GRIA2: variants seen among roughly 807,000 people sequenced by gnomAD.
GRIA2 encodes glutamate receptor 2.
Under a neutral mutation model 97.3 loss-of-function variants are expected in GRIA2, and 14 were observed. The ratio of observed to expected loss-of-function variants is 0.14; its 90% CI spans 0.10 to 0.23. GRIA2 has a LOEUF of 0.23. Among genes scored for constraint, GRIA2 ranks in the 10% least tolerant of loss-of-function variants. The pLI, the probability that GRIA2 is intolerant of heterozygous loss-of-function variation, is 1.00. For missense variants in GRIA2, 558 were observed against 1,069.8 expected (o/e 0.52, Z 6.67); for synonymous variants, 412 against 387.8 (o/e 1.06, Z -0.73).
At chr4:157,288,983 C>T (rs1310183830) in intron 2 of GRIA2, among the ~76,000 whole-genome samples, 1 of 151,750 alleles carries the variant, frequency 6.6e-6, no homozygotes, top group South Asian at 2.1e-4. Context: ...ATCATTTGTT[C>T]CCTTTTAACA....
chr4:157,238,017 AG>A (rs1730330175), intron 2 of GRIA2, among the ~76,000 whole-genome samples: 1 of 152,154 alleles, frequency 6.6e-6, no homozygotes, highest in African/African-American at 2.4e-5. Context: ...TTAAAACTAA[AG>A]ACCGCAATCT....
At chr4:157,358,741 T>C (rs1736504371) in intron 12 of GRIA2, among the ~76,000 whole-genome samples, 2 of 152,160 alleles carry the variant, frequency 1.3e-5, no homozygotes. Context: ...CTCTATACTC[T>C]ATTTGCACTT....
chr4:157,361,689 C>A lies in GRIA2; in HGVS notation c.2406+565C>A. On this transcript the variant is annotated intron_variant, in intron 14 of 15. Transcript: ENST00000264426. This position sits in a 1 kb window ranked among gnomAD's most constrained non-coding sequence, Gnocchi z 5.2. The stretch of plus-strand genomic sequence containing the variant: ...CAGGTTTTATGTGAAAAAACAAAAT[C>A]AAACACAAACAGCAAAATCAAACCA... 1 of 1,399,052 alleles carries A rather than the reference C, an allele frequency of 7.1e-7. No homozygotes were observed. Among genetic ancestry groups the A allele is most frequent in the Non-Finnish European group, 1.0e-6 (1 of 986,192 alleles). 86.7% of individuals were successfully genotyped at this position (1,399,052 alleles called of 1,614,324 possible).
intron 3 of GRIA2, among the ~76,000 whole-genome samples, chr4:157,304,794 G>T (rs1291158804): frequency 6.6e-6 from 1 of 152,078 alleles, no homozygotes; most frequent in Non-Finnish European, 1.5e-5. Flanking sequence ...CAGACAAGAA[G>T]AGAGCCAGCC....
At chr4:157,294,844 A>T (rs1233061389) in intron 2 of GRIA2, among the ~76,000 whole-genome samples, 1 of 152,072 alleles carries the variant, frequency 6.6e-6, no homozygotes, top group Non-Finnish European at 1.5e-5. Flanking sequence ...ACAATATTCA[A>T]ATTTCATCAG....
At position 157,235,063 on chromosome 4, in the gene GRIA2, A is replaced by AT. The variant is rs1730183874; in HGVS notation, c.229+13256_229+13257insT. Among the ~76,000 whole-genome samples, 3 of 152,176 alleles carry AT rather than the reference A, an allele frequency of 2.0e-5. No homozygotes were observed. The South Asian group carries it at 6.2e-4, about 31-fold the overall frequency. ...GAACTCTTCAATGTAGGATCATAAGACCTTTGGTCAAAATTACTCTTTTAA... is the reference window on the plus strand; with the variant it reads ...GAACTCTTCAATGTAGGATCATAAGATCCTTTGGTCAAAATTACTCTTTTAA... On this transcript the variant is annotated intron_variant, in intron 2 of 15. Transcript: ENST00000264426.
chr4:157,335,446 T>C, intron 9 of GRIA2: 1 of 536,798 alleles, frequency 1.9e-6, no homozygotes, highest in Non-Finnish European at 3.4e-6. Context: ...TAACTCAGTA[T>C]GCTTGCATAC....
chr4:157,225,058 C>A (rs774028383), intron 2 of GRIA2, among the ~76,000 whole-genome samples: 1 of 151,914 alleles, frequency 6.6e-6, no homozygotes, highest in African/African-American at 2.4e-5. Context: ...TAATTTTATT[C>A]CTGAGATGGA....
At chr4:157,355,765 ATATATATTTATATATTTATATATATTAGT>A in intron 12 of GRIA2, among the ~76,000 whole-genome samples, 1 of 32,190 alleles carries the variant, frequency 3.1e-5, no homozygotes, top group East Asian at 1.5e-3. Flanking sequence ...TATATTAGTT[ATATATATTTATATATTTATATATATTAGT>A]TATATATATT....
At chr4:157,297,097 T>C (rs1733381161) in intron 2 of GRIA2, among the ~76,000 whole-genome samples, 1 of 152,160 alleles carries the variant, frequency 6.6e-6, no homozygotes, top group African/African-American at 2.4e-5. Flanking sequence ...GAAAAAGATT[T>C]ATTATGAAGG....
At chr4:157,221,323 GAAGAA>G in intron 1 of GRIA2, 193 bp downstream of exon 1, 1 of 567,726 alleles carries the variant, frequency 1.8e-6, no homozygotes, top group Non-Finnish European at 3.1e-6. Flanking sequence ...TGATACAATA[GAAGAA>G]AAGGTCCTCT....
At chr4:157,230,519 C>G (rs1305056229) in intron 2 of GRIA2, among the ~76,000 whole-genome samples, 1 of 148,718 alleles carries the variant, frequency 6.7e-6, no homozygotes, top group Non-Finnish European at 1.5e-5. Flanking sequence ...TCCTTCTTTC[C>G]TTCCTTTCTT....
At chr4:157,303,442 A>G (rs1733701868) in intron 2 of GRIA2, 110 bp from the exon 3 acceptor site, 3 of 816,922 alleles carry the variant, frequency 3.7e-6, no homozygotes, top group African/African-American at 3.5e-5. Flanking sequence ...TATTTCTTTC[A>G]ATATGTTAAT....
At chr4:157,240,496 T>A (rs1248125959) in intron 2 of GRIA2, among the ~76,000 whole-genome samples, 3 of 152,054 alleles carry the variant, frequency 2.0e-5, no homozygotes, top group Non-Finnish European at 4.4e-5. Flanking sequence ...TGTATCTCTT[T>A]CTCCACTTTA....
intron 2 of GRIA2, among the ~76,000 whole-genome samples, chr4:157,237,092 AT>A (rs926901450): frequency 3.3e-5 from 5 of 151,856 alleles, no homozygotes; most frequent in African/African-American, 1.2e-4. Flanking sequence ...ACCGTAGTTT[AT>A]TTTTTTTAAA....
intron 2 of GRIA2, among the ~76,000 whole-genome samples, chr4:157,265,968 T>C (rs1731750081): frequency 6.6e-6 from 1 of 152,080 alleles, no homozygotes; most frequent in African/African-American, 2.4e-5. Context: ...GGAAGTCATA[T>C]GTGAATATTG....
At chr4:157,326,601 T>C (rs1431087685) in intron 6 of GRIA2, among the ~76,000 whole-genome samples, 1 of 152,126 alleles carries the variant, frequency 6.6e-6, no homozygotes, top group African/African-American at 2.4e-5. Flanking sequence ...AATATGGAAT[T>C]GGAGACCTGA....
intron 2 of GRIA2, among the ~76,000 whole-genome samples, chr4:157,225,496 G>C (rs1377954631): frequency 6.6e-6 from 1 of 151,968 alleles, no homozygotes; most frequent in Non-Finnish European, 1.5e-5. Context: ...TCTGAGATTA[G>C]TATCTGATGT....
chr4:157,257,378 G>T (rs960362323), intron 2 of GRIA2, among the ~76,000 whole-genome samples: 15 of 151,906 alleles, frequency 9.9e-5, no homozygotes, highest in African/African-American at 3.4e-4. Context: ...TTTTATCTTT[G>T]TTGCTTTGGA....
Sources: allele counts gnomAD v4.1 joint callset (sites outside exome capture counted in the v4.1 genomes callset), GRCh38; gene constraint gnomAD v4.1.1; non-coding constraint Gnocchi (gnomAD v3.1); transcripts MANE v1.5; gene names NCBI Gene and HGNC (gene_info 2026-07-23, HGNC 2026-07-21).